Variants in SORCS3 observed in about 807,000 individuals in gnomAD.
The protein encoded by SORCS3 is VPS10 domain-containing receptor SorCS3.
In SORCS3, 57 loss-of-function variants were observed where a neutral mutation model predicts 146.3. The observed-to-expected ratio is 0.39, with a 90% CI of 0.31 to 0.49. The LOEUF is 0.49. Among genes scored for constraint, SORCS3 ranks in the 20% least tolerant of loss-of-function variants. The pLI is 0.92. For missense variants in SORCS3, 1,341 were observed against 1,575.5 expected (o/e 0.85, Z 2.52); for synonymous variants, 653 against 618.5 (o/e 1.06, Z -0.83).
At chr10:104,850,590 A>C (rs945477606) in intron 2 of SORCS3, among the ~76,000 whole-genome samples, 1 of 152,116 alleles carries the variant, frequency 6.6e-6, no homozygotes, top group East Asian at 1.9e-4. Flanking sequence ...TCTCAAAAAG[A>C]AAATAAAAGC....
chr10:105,079,902 T>A (rs535191142), intron 5 of SORCS3, among the ~76,000 whole-genome samples: 2 of 152,352 alleles, frequency 1.3e-5, no homozygotes, highest in East Asian at 3.9e-4. Flanking sequence ...TTCTTTTTTA[T>A]GGCTGCATGG....
chr10:104,826,528 T>G (rs1337867902), intron 1 of SORCS3, among the ~76,000 whole-genome samples: 3 of 152,240 alleles, frequency 2.0e-5, no homozygotes, highest in Non-Finnish European at 4.4e-5. Context: ...AAGTGTTAAG[T>G]AGCATCATGT....
chr10:104,929,460 A>G (rs1278965117), intron 3 of SORCS3, among the ~76,000 whole-genome samples: 2 of 152,226 alleles, frequency 1.3e-5, no homozygotes, highest in African/African-American at 2.4e-5. Context: ...AATGAAAACA[A>G]TAACAAACTC....
intron 1 of SORCS3, among the ~76,000 whole-genome samples, chr10:104,759,146 AACAT>A (rs1383455931): frequency 6.6e-6 from 1 of 152,164 alleles, no homozygotes; most frequent in Non-Finnish European, 1.5e-5. Flanking sequence ...ATGCCATGTG[AACAT>A]TAAGGCAGAG....
At chr10:104,781,096 G>A (rs1413510716) in intron 1 of SORCS3, among the ~76,000 whole-genome samples, 1 of 152,242 alleles carries the variant, frequency 6.6e-6, no homozygotes, top group Non-Finnish European at 1.5e-5. Context: ...CTGGTGATTA[G>A]ATGATAGACA....
At chr10:104,901,941 G>T (rs2018855309) in intron 2 of SORCS3, among the ~76,000 whole-genome samples, 3 of 152,174 alleles carry the variant, frequency 2.0e-5, no homozygotes, top group African/African-American at 7.2e-5. Flanking sequence ...TGACAGATCT[G>T]CATCTTTGGA....
At position 105,147,730 on chromosome 10, in the gene SORCS3, T is replaced by G; in HGVS notation, c.1416T>G (p.Thr472=). The change falls in exon 9 of 27, where the codon ACT becomes ACG. Residue 472 remains threonine, a synonymous_variant. Transcript: ENST00000369701. ...CAGACACGCGTGGGATTTACTTCACTCTGGCCATGGAGAACATCAAGAGCA... is the reference window on the plus strand; with the variant it reads ...CAGACACGCGTGGGATTTACTTCACGCTGGCCATGGAGAACATCAAGAGCA... ...YISDTRGIYF[T]LAMENIKSSR... 1 of 1,613,138 alleles carries G rather than the reference T, an allele frequency of 6.2e-7. No homozygotes were observed. Among genetic ancestry groups the G allele is most frequent in the African/African-American group, 1.3e-5 (1 of 74,974 alleles).
At chr10:104,678,104 G>A (rs1218817996) in intron 1 of SORCS3, among the ~76,000 whole-genome samples, 1 of 151,852 alleles carries the variant, frequency 6.6e-6, no homozygotes, top group Non-Finnish European at 1.5e-5. Flanking sequence ...CAATTGTGAG[G>A]TTGCCGAAGT....
At chr10:105,053,635 T>C (rs980650065) in intron 5 of SORCS3, among the ~76,000 whole-genome samples, 1 of 151,944 alleles carries the variant, frequency 6.6e-6, no homozygotes, top group Admixed American at 6.6e-5. Flanking sequence ...TTCATTCAGA[T>C]CATATTGTTG....
chr10:104,877,088 T>G (rs984163391), intron 2 of SORCS3, among the ~76,000 whole-genome samples: 2 of 152,108 alleles, frequency 1.3e-5, no homozygotes, highest in Non-Finnish European at 2.9e-5. Flanking sequence ...TGGGCTCAAG[T>G]AATCCTCCTG....
At chr10:105,113,043 C>T (rs2055869149) in intron 7 of SORCS3, among the ~76,000 whole-genome samples, 1 of 152,212 alleles carries the variant, frequency 6.6e-6, no homozygotes, top group South Asian at 2.1e-4. Flanking sequence ...CCTGGAAAGG[C>T]TGGGCTTTGG....
At chr10:104,894,918 G>A (rs749217995) in intron 2 of SORCS3, among the ~76,000 whole-genome samples, 4 of 152,206 alleles carry the variant, frequency 2.6e-5, no homozygotes, top group Non-Finnish European at 5.9e-5. Context: ...TGTGGGACAG[G>A]CACTCATGGG....
chr10:105,136,950 G>C (rs1234510494), intron 7 of SORCS3, among the ~76,000 whole-genome samples: 1 of 152,132 alleles, frequency 6.6e-6, no homozygotes, highest in African/African-American at 2.4e-5. Flanking sequence ...GAGCTTTTAA[G>C]AGAGTCTGTG....
intron 9 of SORCS3, among the ~76,000 whole-genome samples, chr10:105,148,709 T>A (rs1022573392): frequency 2.0e-5 from 3 of 152,200 alleles, no homozygotes; most frequent in African/African-American, 7.2e-5. Flanking sequence ...TGTTCCCTTG[T>A]GGGTTTTCCT....
At chr10:104,741,808 T>G (rs1206155715) in intron 1 of SORCS3, among the ~76,000 whole-genome samples, 2 of 148,208 alleles carry the variant, frequency 1.3e-5, no homozygotes, top group African/African-American at 5.0e-5. Context: ...TTTTTTTATA[T>G]CTCCCATTTC....
intron 19 of SORCS3, among the ~76,000 whole-genome samples, chr10:105,218,822 C>T (rs1174888992): frequency 2.6e-5 from 4 of 152,206 alleles, no homozygotes; most frequent in African/African-American, 9.7e-5. Flanking sequence ...CGAGACCATC[C>T]TGGCTAACAT....
rs1369883352 is a variant in SORCS3, at chr10:105,167,283, G to A, written c.1835G>A (p.Trp612Ter). Residue 612 changes from tryptophan (W) to a stop codon, truncating the protein, a stop_gained, in exon 13 of 27, where the codon TGG (tryptophan) becomes TAG (stop). Transcript: ENST00000369701. LOFTEE classifies it high-confidence loss of function. The stretch of plus-strand genomic sequence containing the variant: ...ATCTTTGATGAAGAGTACAATGTCT[G>A]GTTCCTAGACTGGGGTGGTGCCCTC... ...RQIFDEEYNVWFLDWGGALVA... is the reference protein window; with the variant it reads ...RQIFDEEYNV 1 of 1,613,298 alleles carries A rather than the reference G, an allele frequency of 6.2e-7. No individual in the cohort carries two copies. The highest frequency in any genetic ancestry group is 1.7e-5 in the Admixed American group (1 of 59,956).
intron 13 of SORCS3, among the ~76,000 whole-genome samples, chr10:105,171,608 A>G (rs898029891): frequency 2.0e-5 from 3 of 152,226 alleles, no homozygotes; most frequent in Admixed American, 6.5e-5. Context: ...ATAGTTCCAA[A>G]CAATACATGT....
chr10:105,082,021 A>G (rs2055629464), intron 5 of SORCS3, among the ~76,000 whole-genome samples: 1 of 152,246 alleles, frequency 6.6e-6, no homozygotes, highest in African/African-American at 2.4e-5. Context: ...CGTTCATTCA[A>G]CAAATATTTA....
Sources: gnomAD v4.1 joint callset for allele counts (sites outside exome capture counted in the v4.1 genomes callset) on GRCh38, gnomAD v4.1.1 for gene constraint, MANE v1.5 for transcripts, NCBI Gene and HGNC (gene_info 2026-07-23, HGNC 2026-07-21) for gene names.